Variants in SDK1 observed in about 807,000 individuals in gnomAD.
SDK1 encodes the protein protein sidekick-1.
A neutral mutation model predicts 245.5 loss-of-function variants in SDK1; 157 were observed. The ratio of observed to expected loss-of-function variants is 0.64; its 90% confidence interval spans 0.56 to 0.73. SDK1 has a LOEUF of 0.73. Among genes scored for constraint, SDK1 ranks in the 30% least tolerant of loss-of-function variants. The probability of loss-of-function intolerance (pLI) is 0.00; values close to 1 mark genes in which losing one functional copy is unlikely to be tolerated. For synonymous variants in SDK1, 1,647 were observed against 1,278.5 expected (o/e 1.29, Z -6.15); for missense variants, 3,583 against 3,002.3 (o/e 1.19, Z -4.52).
rs1412107692 is a variant in SDK1 at position 3,414,239 on chromosome 7, A to G, written c.298+112355A>G. Among the ~76,000 whole-genome samples, 2 of 152,092 alleles carry G rather than the reference A, an allele frequency of 1.3e-5. 1 individual carries two copies. Among genetic ancestry groups the G allele is most frequent in the Non-Finnish European group, 2.9e-5 (2 of 68,012 alleles). Reference sequence around the variant, plus strand: ...AGGAAGAGACAAGGTTGGGGTGCGGAGGAGGAGGAGAAATTTGAAGGGTCC... The same window carrying G: ...AGGAAGAGACAAGGTTGGGGTGCGGGGGAGGAGGAGAAATTTGAAGGGTCC... On this transcript the variant is annotated intron_variant, in intron 1 of 44. Coordinates refer to ENST00000404826, the MANE Select transcript of SDK1 (RefSeq NM_152744.4).
intron 1 of SDK1, among the ~76,000 whole-genome samples, chr7:3,441,916 T>C (rs1257995866): frequency 1.3e-5 from 2 of 152,206 alleles, no homozygotes; most frequent in Admixed American, 6.5e-5. Context: ...GTCTTTTTGC[T>C]TGATTTGCCT....
At chr7:3,351,336 C>A (rs1002586620) in intron 1 of SDK1, among the ~76,000 whole-genome samples, 2 of 151,934 alleles carry the variant, frequency 1.3e-5, no homozygotes, top group Non-Finnish European at 2.9e-5. Flanking sequence ...TGATATTACT[C>A]AACACAAGGA....
At chr7:4,073,922 C>G (rs1045585931) in intron 20 of SDK1, among the ~76,000 whole-genome samples, 2 of 152,094 alleles carry the variant, frequency 1.3e-5, no homozygotes, top group Admixed American at 6.5e-5. Context: ...TCCCCTAGTG[C>G]TCAGGCCCCT....
chr7:3,956,068 G>GTTC (rs1426066848), intron 7 of SDK1, among the ~76,000 whole-genome samples: 1 of 152,194 alleles, frequency 6.6e-6, no homozygotes, highest in Non-Finnish European at 1.5e-5. Flanking sequence ...TTTCAAAAGA[G>GTTC]GGAGAAGTGT....
chr7:3,491,143 A>G (rs35408672), intron 1 of SDK1, among the ~76,000 whole-genome samples: 6,145 of 152,320 alleles, frequency 0.04, 191 homozygotes, highest in Non-Finnish European at 0.065. Context: ...GTTCAAGCAT[A>G]TGCTCATGGA....
intron 30 of SDK1, 121 bp downstream of exon 30, chr7:4,149,584 C>A: frequency 1.6e-6 from 1 of 610,080 alleles, no homozygotes; most frequent in Non-Finnish European, 2.6e-6. Context: ...GAGCACAGGC[C>A]CCCTTTCTTT....
At chr7:4,086,626 T>C (rs1781445427) in intron 22 of SDK1, among the ~76,000 whole-genome samples, 1 of 152,124 alleles carries the variant, frequency 6.6e-6, no homozygotes, top group South Asian at 2.1e-4. Flanking sequence ...TTCCTCCTCC[T>C]TCCTTCTCAT....
intron 1 of SDK1, among the ~76,000 whole-genome samples, chr7:3,330,647 A>C (rs1257186622): frequency 2.6e-5 from 4 of 152,106 alleles, no homozygotes; most frequent in African/African-American, 9.7e-5. Flanking sequence ...AGCCTCCAGA[A>C]CCATGAGCTA....
At chr7:3,694,344 T>A (rs1562376607) in intron 4 of SDK1, among the ~76,000 whole-genome samples, 1 of 152,104 alleles carries the variant, frequency 6.6e-6, no homozygotes, top group Non-Finnish European at 1.5e-5. Context: ...TCACAGTACT[T>A]CATGCAGGTT....
intron 1 of SDK1, among the ~76,000 whole-genome samples, chr7:3,308,863 G>T (rs772484666): frequency 6.6e-6 from 1 of 151,986 alleles, no homozygotes; most frequent in Non-Finnish European, 1.5e-5. Context: ...ATTTTACAAC[G>T]ATGAATAGTC....
intron 5 of SDK1, among the ~76,000 whole-genome samples, chr7:3,918,446 C>G (rs11767063): frequency 1.3e-5 from 2 of 152,178 alleles, no homozygotes; most frequent in African/African-American, 2.4e-5. Flanking sequence ...AGGTTACACA[C>G]GCCTTATGAG....
intron 4 of SDK1, among the ~76,000 whole-genome samples, chr7:3,647,773 A>G (rs1186755094): frequency 6.6e-6 from 1 of 151,954 alleles, no homozygotes; most frequent in Non-Finnish European, 1.5e-5. Flanking sequence ...TTCTACCTAC[A>G]TTTGGCCTCT....
chr7:4,002,255 G>A (rs561813147), intron 14 of SDK1, among the ~76,000 whole-genome samples: 199 of 152,088 alleles, frequency 1.3e-3, no homozygotes, highest in African/African-American at 4.5e-3. Flanking sequence ...TCCAGCCGGA[G>A]GGGTGAGTGG....
In SDK1 at chr7:3,817,450, C is replaced by A. The variant is rs560055742; in HGVS notation, c.714-4000C>A. 2.0e-5 allele frequency among the ~76,000 whole-genome samples: 3 copies of A among 152,326 alleles called. No individual in the cohort carries two copies. In the East Asian group the frequency reaches 5.8e-4, roughly 29 times the overall value. ...TAAATAGTGAAACAGTTACTTGATT[C>A]TGCTCCAGTGGTGATCAGGGTGAAT... On this transcript the variant is annotated intron_variant, in intron 4 of 44. Transcript: ENST00000404826.
At chr7:3,592,134 A>G (rs1371021134) in intron 1 of SDK1, among the ~76,000 whole-genome samples, 2 of 152,244 alleles carry the variant, frequency 1.3e-5, no homozygotes, top group Non-Finnish European at 2.9e-5. Flanking sequence ...CTGTGGAGTG[A>G]GGAATTTCTT....
At chr7:3,646,636 A>T (rs150446320) in intron 4 of SDK1, among the ~76,000 whole-genome samples, 63 of 152,164 alleles carry the variant, frequency 4.1e-4, no homozygotes, top group African/African-American at 1.4e-3. Flanking sequence ...GATTCTTTCC[A>T]CTTTATTGGC....
At chr7:3,802,122 T>G (rs1023377877) in intron 4 of SDK1, among the ~76,000 whole-genome samples, 2 of 152,186 alleles carry the variant, frequency 1.3e-5, no homozygotes, top group African/African-American at 4.8e-5. Context: ...TGTTTATATT[T>G]TATACCACTG....
intron 17 of SDK1, among the ~76,000 whole-genome samples, chr7:4,023,265 C>G (rs1787074558): frequency 6.6e-6 from 1 of 152,166 alleles, no homozygotes; most frequent in African/African-American, 2.4e-5. Flanking sequence ...TCTTGTCGGC[C>G]AATCCCATTT....
At chr7:3,661,480 C>T (rs550518027) in intron 4 of SDK1, among the ~76,000 whole-genome samples, 2 of 152,204 alleles carry the variant, frequency 1.3e-5, no homozygotes, top group South Asian at 4.2e-4. Flanking sequence ...ATCTATCACA[C>T]GCTATATGAA....
Sources: gnomAD v4.1 joint callset for allele counts (sites outside exome capture counted in the v4.1 genomes callset) on GRCh38, gnomAD v4.1.1 for gene constraint, MANE v1.5 for transcripts, NCBI Gene and HGNC (gene_info 2026-07-23, HGNC 2026-07-21) for gene names.